TMEM87A: variants seen among roughly 807,000 people sequenced by gnomAD.
TMEM87A encodes the protein transmembrane protein 87A, also known as Golgi-pH regulating cation channel.
Under a neutral mutation model 90.0 loss-of-function variants are expected in TMEM87A, and 50 were observed. The observed-to-expected ratio is 0.56, with a 90% CI of 0.44 to 0.70. The LOEUF (loss-of-function observed/expected upper bound fraction) is 0.70, where lower values mean the gene tolerates loss of function less well. Among genes scored for constraint, TMEM87A ranks in the 30% least tolerant of loss-of-function variants. The pLI is 0.00. For synonymous variants in TMEM87A, 226 were observed against 226.7 expected (o/e 1.00, Z 0.03); for missense variants, 577 against 660.5 (o/e 0.87, Z 1.39).
At chr15:42,255,196 C>T (rs1441357937) in intron 6 of TMEM87A, among the ~76,000 whole-genome samples, 7 of 151,962 alleles carry the variant, frequency 4.6e-5, no homozygotes, top group Non-Finnish European at 1.5e-5. Context: ...TGCAATGGCA[C>T]GATCTTGGCT....
At position 42,220,023 on chromosome 15, in the gene TMEM87A, ATATT is replaced by A. The variant is rs1297249372; in HGVS notation, c.1477+35_1477+38del. The A allele has an allele frequency of 2.0e-6, 3 of 1,498,194 alleles. No homozygotes were observed. In the East Asian group the frequency reaches 6.8e-5, roughly 34 times the overall value. 92.8% of individuals were successfully genotyped at this position (1,498,194 alleles called of 1,614,324 possible). The stretch of plus-strand genomic sequence containing the variant: ...TAAACAATGTACTTACAGAAAAATA[ATATT>A]TAAAGTACTAATAAGAGGTGAATTT... On this transcript the variant is annotated intron_variant, in intron 16 of 19. Coordinates refer to ENST00000389834, the MANE Select transcript of TMEM87A (RefSeq NM_015497.5).
intron 6 of TMEM87A, among the ~76,000 whole-genome samples, chr15:42,246,698 G>A (rs1346996315): frequency 2.0e-5 from 3 of 152,138 alleles, no homozygotes; most frequent in Non-Finnish European, 2.9e-5. Flanking sequence ...TATCATTGAC[G>A]GACATTTGGG....
At chr15:42,265,734 TGCAATTGCTTTTGGC>T (rs1161035542) in intron 3 of TMEM87A, among the ~76,000 whole-genome samples, 3 of 152,364 alleles carry the variant, frequency 2.0e-5, no homozygotes, top group East Asian at 3.9e-4. Context: ...TTGCTTTTGT[TGCAATTGCTTTTGGC>T]GCAATTGCTT....
At chr15:42,268,310 T>C (rs923357568) in intron 2 of TMEM87A, among the ~76,000 whole-genome samples, 2 of 152,218 alleles carry the variant, frequency 1.3e-5, no homozygotes, top group Non-Finnish European at 2.9e-5. Context: ...TCTGGATCTC[T>C]ATTGAGAAAA....
chr15:42,216,531 A>T (rs904301377), intron 19 of TMEM87A, among the ~76,000 whole-genome samples: 2 of 152,220 alleles, frequency 1.3e-5, no homozygotes, highest in Non-Finnish European at 2.9e-5. Context: ...GGTTTCAATT[A>T]ATCAGCCTTC....
intron 3 of TMEM87A, among the ~76,000 whole-genome samples, chr15:42,265,586 T>C (rs1056211607): frequency 6.6e-6 from 1 of 152,208 alleles, no homozygotes; most frequent in African/African-American, 2.4e-5. Context: ...AAGTTCCTTA[T>C]AGAGGCTGGA....
In TMEM87A at chr15:42,217,871, A is replaced by C. The variant is rs552264684; in HGVS notation, c.1596-38T>G. ...AGAAATACTAAATTGAACAATGTAA[A>C]ATAAAGCCATAAATGGTTCATAAAA... is the stretch of plus-strand genomic sequence containing the variant. On this transcript the variant is annotated intron_variant, in intron 18 of 19. Coordinates refer to ENST00000389834, the MANE Select transcript of TMEM87A (RefSeq NM_015497.5). 5.0e-6 allele frequency: 8 copies of C among 1,599,012 alleles called. No individual in the cohort carries two copies. In the Admixed American group the frequency reaches 1.4e-4, roughly 28 times the overall value.
intron 3 of TMEM87A, among the ~76,000 whole-genome samples, chr15:42,265,384 T>C (rs1331246993): frequency 2.0e-5 from 3 of 152,198 alleles, no homozygotes; most frequent in African/African-American, 7.2e-5. Flanking sequence ...ATCCTTTGAC[T>C]TTCTCATAAT....
intron 15 of TMEM87A, among the ~76,000 whole-genome samples, chr15:42,223,314 G>A (rs2050530800): frequency 6.6e-6 from 1 of 152,136 alleles, no homozygotes; most frequent in Non-Finnish European, 1.5e-5. Flanking sequence ...GATCATTTGA[G>A]CCCAGGAGGT....
intron 3 of TMEM87A, among the ~76,000 whole-genome samples, chr15:42,265,761 T>C (rs1451043294): frequency 2.0e-5 from 3 of 152,244 alleles, no homozygotes; most frequent in Admixed American, 6.5e-5. Context: ...CAATTGCTTT[T>C]GGCATCTTCA....
chr15:42,265,893 T>C (rs545290957), intron 3 of TMEM87A, among the ~76,000 whole-genome samples: 1 of 152,176 alleles, frequency 6.6e-6, no homozygotes, highest in South Asian at 2.1e-4. Flanking sequence ...TTTTTGAATA[T>C]GGTGTGAGGA....
chr15:42,269,391 G>C (rs147608207), intron 2 of TMEM87A, among the ~76,000 whole-genome samples: 56 of 151,600 alleles, frequency 3.7e-4, no homozygotes, highest in African/African-American at 1.4e-3. Context: ...CTAATTTTTA[G>C]ATGACCAACA....
chr15:42,242,066 CAAAAAAAAAAAGAA>C (rs2050881491), intron 7 of TMEM87A, among the ~76,000 whole-genome samples: 1 of 57,860 alleles, frequency 1.7e-5, no homozygotes, highest in African/African-American at 6.7e-5. Context: ...GACTCTATCT[CAAAAAAAAAAAGAA>C]AAAAAAAAAG....
At chr15:42,239,843 T>C (rs2050838467) in intron 7 of TMEM87A, 112 bp from the exon 8 acceptor site, 3 of 899,442 alleles carry the variant, frequency 3.3e-6, no homozygotes, top group Non-Finnish European at 5.6e-6. Flanking sequence ...TCATTTACTT[T>C]TAGGCACTTC....
At position 42,264,071 on chromosome 15, in the gene TMEM87A, A is replaced by C. The variant is rs999222651; in HGVS notation, c.405+19T>G. 8 of 1,589,476 alleles carry C rather than the reference A, an allele frequency of 5.0e-6. No individual in the cohort carries two copies. The highest frequency in any genetic ancestry group is 6.9e-6 in the Non-Finnish European group (8 of 1,161,868). ...ATTTTTGCCTATTCTATTTATCTCC[A>C]ATCACTTTCAAAGATTACCTGTGTT... On this transcript the variant is annotated intron_variant, in intron 4 of 19. Coordinates refer to ENST00000389834, the MANE Select transcript of TMEM87A (RefSeq NM_015497.5).
intron 13 of TMEM87A, 38 bp from the exon 14 acceptor site, chr15:42,227,807 C>T: frequency 6.3e-7 from 1 of 1,588,572 alleles, no homozygotes; most frequent in Non-Finnish European, 8.6e-7. Context: ...AGTATGAATG[C>T]TGGTTTACAT....
rs569161528 is a variant in TMEM87A, at chr15:42,270,742, C to A, written c.205+1321G>T. Among the ~76,000 whole-genome samples the A allele has an allele frequency of 3.8e-4, 58 of 152,304 alleles. 1 individual carries two copies. The South Asian group carries it at 0.012, about 32-fold the overall frequency. ...AAGGGTTACTAGGTTACCCAGTAAA[C>A]CAATCTCACAAGGCCAGTGTCAGAG... On this transcript the variant is annotated intron_variant, in intron 2 of 19. Coordinates refer to ENST00000389834, the MANE Select transcript of TMEM87A (RefSeq NM_015497.5).
chr15:42,239,452 C>A (rs1035551049), intron 8 of TMEM87A, among the ~76,000 whole-genome samples: 1 of 152,170 alleles, frequency 6.6e-6, no homozygotes, highest in East Asian at 1.9e-4. Context: ...CCACAGGTCA[C>A]TGACCCCTTC....
chr15:42,257,877 A>G lies in TMEM87A; in HGVS notation c.504+3081T>C, dbSNP rs999043116. 8 of 978,974 alleles carry G rather than the reference A, an allele frequency of 8.2e-6. No individual in the cohort carries two copies. The African/African-American group carries it at 1.4e-4, about 17-fold the overall frequency. The allele number at this position is 978,974 out of a possible 1,614,324, so 60.6% of individuals were successfully genotyped here. A position where few individuals can be genotyped will look rare whatever the true frequency, so the allele number is the denominator to read the frequency against. ...AAATTATACAATGGTATATAATATG[A>G]TCTTATTTTGGTTAATATGCATGTG... On this transcript the variant is annotated intron_variant, in intron 6 of 19. Coordinates refer to ENST00000389834, the MANE Select transcript of TMEM87A (RefSeq NM_015497.5).
Sources: allele counts gnomAD v4.1 joint callset (sites outside exome capture counted in the v4.1 genomes callset), GRCh38; gene constraint gnomAD v4.1.1; transcripts MANE v1.5; gene names NCBI Gene and HGNC (gene_info 2026-07-23, HGNC 2026-07-21).